The following SYNDIG1 variants were observed in gnomAD, a reference collection of about 807,000 sequenced individuals.
SYNDIG1 encodes synapse differentiation-inducing gene protein 1.
SYNDIG1 carries 9 observed loss-of-function variants against 19.4 expected under a neutral mutation model. The ratio of observed to expected loss-of-function variants is 0.46; its 90% CI spans 0.28 to 0.81. The LOEUF is 0.81. Among genes scored for constraint, SYNDIG1 ranks in the 30% least tolerant of loss-of-function variants. The pLI is 0.12. For synonymous variants in SYNDIG1, 141 were observed against 145.9 expected, an observed-to-expected ratio of 0.97 and a Z score of 0.24; for missense variants, 311 against 343.3, an observed-to-expected ratio of 0.91 and a Z score of 0.74.
At chr20:24,528,901 G>T (rs1192184151) in intron 1 of SYNDIG1, among the ~76,000 whole-genome samples, 3 of 152,138 alleles carry the variant, frequency 2.0e-5, no homozygotes, top group Non-Finnish European at 4.4e-5. Context: ...TGGATTCCCA[G>T]CCCCAAACAC....
chr20:24,566,502 C>A (rs955837515), intron 2 of SYNDIG1, among the ~76,000 whole-genome samples: 1 of 152,172 alleles, frequency 6.6e-6, no homozygotes, highest in African/African-American at 2.4e-5. Context: ...AAGCATGGGT[C>A]TAAGGCGCTG....
chr20:24,503,822 T>C (rs1024332170), intron 1 of SYNDIG1, among the ~76,000 whole-genome samples: 1 of 152,138 alleles, frequency 6.6e-6, no homozygotes, highest in African/African-American at 2.4e-5. Flanking sequence ...AGGCTTCTTC[T>C]GGCTGCTTCC....
chr20:24,631,291 A>G (rs990278400), intron 3 of SYNDIG1, among the ~76,000 whole-genome samples: 3 of 152,222 alleles, frequency 2.0e-5, no homozygotes, highest in Non-Finnish European at 2.9e-5. Flanking sequence ...GTAGAAGTGG[A>G]AGATGAAATG....
rs758967104 is a variant in SYNDIG1, at chr20:24,665,358, G to T, written c.631G>T (p.Val211Leu). 3 of 1,599,930 alleles carry T rather than the reference G, an allele frequency of 1.9e-6. No homozygotes were observed. The highest frequency in any genetic ancestry group is 2.6e-6 in the Non-Finnish European group (3 of 1,175,338). The change falls in exon 4 of 4, where the codon GTG becomes TTG. Residue 211 changes from valine (V) to leucine (L), a missense_variant. Physicochemically the swap from Val to Leu is conservative, Grantham distance 32. Coordinates refer to ENST00000376862, the MANE Select transcript of SYNDIG1 (RefSeq NM_024893.3). ...FYLSHETNKA[V>L]AKGDLHQAST... ...TCCAACTCTGCAGACCAACAAAGCC[G>T]TGGCCAAGGGGGACTTGCACCAGGC...
At chr20:24,633,778 A>G (rs939803166) in intron 3 of SYNDIG1, among the ~76,000 whole-genome samples, 6 of 152,124 alleles carry the variant, frequency 3.9e-5, no homozygotes, top group African/African-American at 1.4e-4. Context: ...GAGGTAACAC[A>G]TGCTGAAGTC....
chr20:24,606,084 T>C (rs1429785922), intron 3 of SYNDIG1, among the ~76,000 whole-genome samples: 1 of 152,264 alleles, frequency 6.6e-6, no homozygotes, highest in Non-Finnish European at 1.5e-5. Context: ...TTCTGGTCAC[T>C]ATCTGTGGCC....
intron 1 of SYNDIG1, among the ~76,000 whole-genome samples, chr20:24,540,962 G>A (rs1248618268): frequency 1.3e-5 from 2 of 152,140 alleles, no homozygotes; most frequent in Admixed American, 1.3e-4. Context: ...AGTTTGAGAA[G>A]GACTGGTATT....
intron 3 of SYNDIG1, among the ~76,000 whole-genome samples, chr20:24,617,288 C>T (rs554553402): frequency 6.6e-6 from 1 of 152,122 alleles, no homozygotes; most frequent in African/African-American, 2.4e-5. Context: ...TCCCTCACCT[C>T]CTAAACTCGG....
chr20:24,475,540 G>C (rs56088250), intron 1 of SYNDIG1, among the ~76,000 whole-genome samples: 3 of 152,162 alleles, frequency 2.0e-5, no homozygotes, highest in Admixed American at 6.5e-5. Context: ...GGTAGTGTGC[G>C]TGGTTTCTGA....
At chr20:24,492,677 T>G (rs903780128) in intron 1 of SYNDIG1, among the ~76,000 whole-genome samples, 1 of 152,128 alleles carries the variant, frequency 6.6e-6, no homozygotes, top group Non-Finnish European at 1.5e-5. Flanking sequence ...GCTACATTGC[T>G]GGAGTGTGAG....
chr20:24,648,975 T>C (rs2059445561), intron 3 of SYNDIG1, among the ~76,000 whole-genome samples: 1 of 152,218 alleles, frequency 6.6e-6, no homozygotes. Context: ...AGGTGCGATG[T>C]TAAGTGTTGA....
intron 2 of SYNDIG1, among the ~76,000 whole-genome samples, chr20:24,558,863 G>T (rs6114774): frequency 0.025 from 3,803 of 152,160 alleles, 113 homozygotes; most frequent in African/African-American, 0.067. Context: ...TATTTCACAG[G>T]CATGTTATAA....
Position 24,666,197 on chromosome 20 carries a change from T to C in SYNDIG1, c.*693T>C, listed in dbSNP as rs2059645673. On this transcript the variant is annotated 3_prime_UTR_variant, in exon 4 of 4. Coordinates refer to ENST00000376862, the MANE Select transcript of SYNDIG1 (RefSeq NM_024893.3). ...GCTACCCCGCAGCAATACGCACTCT[T>C]GGGACCTCGCTGATCTAGGATGGGG... 6.6e-6 allele frequency: 1 copy of C among 152,576 alleles called. No individual in the cohort carries two copies. Among genetic ancestry groups the C allele is most frequent in the African/African-American group, 2.4e-5 (1 of 41,414 alleles). 9.5% of individuals were successfully genotyped at this position (152,576 alleles called of 1,614,324 possible). A position where few individuals can be genotyped will look rare whatever the true frequency, so the allele number is the denominator to read the frequency against.
rs552274713 is a variant in SYNDIG1, at chr20:24,628,279, CA to C, written c.619-37066del. Among the ~76,000 whole-genome samples, 27 of 152,246 alleles carry C rather than the reference CA, an allele frequency of 1.8e-4. No homozygotes were observed. The East Asian group carries it at 5.2e-3, about 29-fold the overall frequency. The stretch of plus-strand genomic sequence containing the variant: ...GTCGACACTCTTCTGAAGGGAGTAC[CA>C]GGGGAGCCCCGCAAACTTGGACGTC... On this transcript the variant is annotated intron_variant, in intron 3 of 3. Transcript: ENST00000376862.
At chr20:24,556,415 A>G (rs370989988) in intron 2 of SYNDIG1, among the ~76,000 whole-genome samples, 1 of 152,100 alleles carries the variant, frequency 6.6e-6, no homozygotes, top group East Asian at 1.9e-4. Context: ...GGTCTTTACA[A>G]TTTGGCATGA....
At chr20:24,635,835 G>A (rs1169574880) in intron 3 of SYNDIG1, among the ~76,000 whole-genome samples, 2 of 152,108 alleles carry the variant, frequency 1.3e-5, no homozygotes, top group Non-Finnish European at 2.9e-5. Flanking sequence ...ATTTGCATAT[G>A]CACACACATC....
chr20:24,607,846 G>C (rs988422205), intron 3 of SYNDIG1, among the ~76,000 whole-genome samples: 1 of 152,188 alleles, frequency 6.6e-6, no homozygotes, highest in Non-Finnish European at 1.5e-5. Context: ...GGTAAGTCAA[G>C]GGCAGTTATG....
intron 3 of SYNDIG1, among the ~76,000 whole-genome samples, chr20:24,625,383 C>CTT (rs2059108072): frequency 4.1e-5 from 4 of 97,474 alleles, no homozygotes; most frequent in Admixed American, 1.3e-4. Context: ...ATGCCTGGGA[C>CTT]ATTTTTTTTT....
chr20:24,575,619 G>C (rs774292655), intron 2 of SYNDIG1, among the ~76,000 whole-genome samples: 11 of 152,026 alleles, frequency 7.2e-5, no homozygotes, highest in Non-Finnish European at 1.6e-4. Flanking sequence ...TTTATCTTGC[G>C]AGGTTAATAT....
Sources: allele counts gnomAD v4.1 joint callset (sites outside exome capture counted in the v4.1 genomes callset), GRCh38; gene constraint gnomAD v4.1.1; transcripts MANE v1.5; gene names NCBI Gene and HGNC (gene_info 2026-07-23, HGNC 2026-07-21).